The following RORA variants were observed in gnomAD, a reference collection of about 807,000 sequenced individuals.
The protein encoded by RORA is RAR related orphan receptor A.
A neutral mutation model predicts 69.5 loss-of-function variants in RORA; 7 were observed. The observed-to-expected ratio is 0.10, with a 90% CI of 0.06 to 0.19. RORA has a LOEUF of 0.19. RORA is among the 10% of genes least tolerant of loss of function. RORA has a pLI of 1.00. For missense variants in RORA, 457 were observed against 663.0 expected (o/e 0.69, Z 3.41); for synonymous variants, 261 against 240.8 (o/e 1.08, Z -0.78).
At chr15:61,160,930 A>C (rs2079489647) in intron 1 of RORA, among the ~76,000 whole-genome samples, 2 of 152,198 alleles carry the variant, frequency 1.3e-5, no homozygotes, top group Non-Finnish European at 2.9e-5. Context: ...TGGGGCAAGT[A>C]CCAATCTATC....
chr15:60,706,913 T>G (rs1003893822), intron 1 of RORA, among the ~76,000 whole-genome samples: 2 of 152,238 alleles, frequency 1.3e-5, no homozygotes, highest in Admixed American at 1.3e-4. Flanking sequence ...TTGCCTCTGA[T>G]GTGAACTACA....
chr15:61,172,341 C>A (rs1299676950), intron 1 of RORA, among the ~76,000 whole-genome samples: 1 of 152,174 alleles, frequency 6.6e-6, no homozygotes, highest in African/African-American at 2.4e-5. Context: ...CAAAGGCCAG[C>A]TGCTACATGA....
chr15:60,508,845 A>G (rs2065598800), intron 5 of RORA, among the ~76,000 whole-genome samples: 1 of 152,186 alleles, frequency 6.6e-6, no homozygotes, highest in Non-Finnish European at 1.5e-5. Flanking sequence ...TAACAAACCT[A>G]ATTTGCACTT....
At chr15:61,088,995 A>C (rs975763574) in intron 1 of RORA, among the ~76,000 whole-genome samples, 1 of 152,164 alleles carries the variant, frequency 6.6e-6, no homozygotes, top group Non-Finnish European at 1.5e-5. Context: ...CATCTGCCCC[A>C]GTGTCTACAC....
intron 2 of RORA, among the ~76,000 whole-genome samples, chr15:60,548,721 T>G (rs1490934255): frequency 6.6e-6 from 1 of 152,186 alleles, no homozygotes; most frequent in Non-Finnish European, 1.5e-5. Context: ...CACTGCAACC[T>G]CCACCTCCCA....
chr15:60,754,386 G>A (rs1476336005), intron 1 of RORA, among the ~76,000 whole-genome samples: 1 of 152,170 alleles, frequency 6.6e-6, no homozygotes, highest in Admixed American at 6.5e-5. Context: ...CCAGTTAGAT[G>A]AATTTGACCC....
chr15:60,972,477 C>A (rs932924618), intron 1 of RORA, among the ~76,000 whole-genome samples: 1 of 152,260 alleles, frequency 6.6e-6, no homozygotes, highest in Non-Finnish European at 1.5e-5. Flanking sequence ...AAGCTTGGAA[C>A]TCACTGGTAT....
At chr15:60,980,454 GT>G (rs537922225) in intron 1 of RORA, among the ~76,000 whole-genome samples, 69 of 152,240 alleles carry the variant, frequency 4.5e-4, no homozygotes, top group African/African-American at 1.4e-3. Flanking sequence ...AGAAGGATTG[GT>G]GCTAACTTTT....
chr15:60,961,527 AC>A (rs1170347753), intron 1 of RORA, among the ~76,000 whole-genome samples: 1 of 152,210 alleles, frequency 6.6e-6, no homozygotes, highest in Non-Finnish European at 1.5e-5. Flanking sequence ...AAGTAACCAC[AC>A]TTGTGTTGCC....
chr15:60,700,227 C>T (rs1226709557), intron 1 of RORA, among the ~76,000 whole-genome samples: 1 of 152,216 alleles, frequency 6.6e-6, no homozygotes, highest in Non-Finnish European at 1.5e-5. Context: ...TAAAATATAA[C>T]AACCCCTCTT....
chr15:61,191,444 G>A (rs2079799337), intron 1 of RORA, among the ~76,000 whole-genome samples: 1 of 151,850 alleles, frequency 6.6e-6, no homozygotes, highest in African/African-American at 2.4e-5. Flanking sequence ...GAAATGGGAA[G>A]ATGACACCAC....
At chr15:60,592,498 C>T (rs955614005) in intron 2 of RORA, 23 of 1,329,928 alleles carry the variant, frequency 1.7e-5, no homozygotes, top group Middle Eastern at 2.8e-4. Flanking sequence ...GCCGCCGCCG[C>T]CCGAGCCACA....
intron 1 of RORA, among the ~76,000 whole-genome samples, chr15:60,719,231 T>C (rs2071262489): frequency 6.6e-6 from 1 of 152,078 alleles, no homozygotes; most frequent in Non-Finnish European, 1.5e-5. Context: ...TAAAAATATA[T>C]ACAGTGAAGT....
At chr15:60,971,375 GGCCTA>G (rs1893707607) in intron 1 of RORA, among the ~76,000 whole-genome samples, 1 of 152,142 alleles carries the variant, frequency 6.6e-6, no homozygotes, top group Non-Finnish European at 1.5e-5. Context: ...TGTCTCCCAT[GGCCTA>G]GCACAAAGCA....
intron 2 of RORA, among the ~76,000 whole-genome samples, chr15:60,542,296 A>G (rs2066896080): frequency 6.6e-6 from 1 of 152,066 alleles, no homozygotes; most frequent in South Asian, 2.1e-4. Flanking sequence ...AATAGCTGCT[A>G]CCATCTTAAA....
intron 1 of RORA, among the ~76,000 whole-genome samples, chr15:60,961,771 T>C (rs1303117984): frequency 6.6e-6 from 1 of 152,232 alleles, no homozygotes; most frequent in Non-Finnish European, 1.5e-5. Flanking sequence ...AAGCACATGC[T>C]AACTTGATGG....
At chr15:61,157,945 TG>T (rs1213259530) in intron 1 of RORA, among the ~76,000 whole-genome samples, 4 of 152,138 alleles carry the variant, frequency 2.6e-5, no homozygotes, top group Non-Finnish European at 4.4e-5. Flanking sequence ...CTCTGAGGTA[TG>T]TGTATGTTCC....
intron 1 of RORA, among the ~76,000 whole-genome samples, chr15:61,140,311 G>T (rs953014432): frequency 6.6e-6 from 1 of 152,144 alleles, no homozygotes; most frequent in Admixed American, 6.6e-5. Context: ...TTTTAAAGTA[G>T]GTTAAGGAAT....
chr15:60,616,348 A>T (rs1171750359), intron 2 of RORA, among the ~76,000 whole-genome samples: 2 of 152,098 alleles, frequency 1.3e-5, no homozygotes, highest in Non-Finnish European at 2.9e-5. Context: ...CTGCCCTCTC[A>T]TCTCTCACCT....
Sources: allele counts gnomAD v4.1 joint callset (sites outside exome capture counted in the v4.1 genomes callset), GRCh38; gene constraint gnomAD v4.1.1; transcripts MANE v1.5; gene names NCBI Gene and HGNC (gene_info 2026-07-23, HGNC 2026-07-21).